Variants in PRKACB observed in about 807,000 individuals in gnomAD.
The protein encoded by PRKACB is protein kinase cAMP-activated catalytic subunit beta, also known as cAMP-dependent protein kinase catalytic subunit beta.
In PRKACB, 16 loss-of-function variants were observed where a neutral mutation model predicts 51.4. The ratio of observed to expected loss-of-function variants is 0.31; its 90% CI spans 0.21 to 0.47. The LOEUF (loss-of-function observed/expected upper bound fraction) is 0.47. PRKACB is among the 20% of genes least tolerant of loss of function. The pLI is 1.00. For synonymous variants in PRKACB, 147 were observed against 154.4 expected, an observed-to-expected ratio of 0.95 and a Z score of 0.35; for missense variants, 309 against 464.5, an observed-to-expected ratio of 0.67 and a Z score of 3.08.
At chr1:84,150,405 A>G (rs951963394) in intron 1 of PRKACB, among the ~76,000 whole-genome samples, 1 of 152,190 alleles carries the variant, frequency 6.6e-6, no homozygotes, top group African/African-American at 2.4e-5. Context: ...TTCTGTTACA[A>G]CTACCAGGGT....
chr1:84,188,030 G>A (rs942696539), intron 5 of PRKACB, among the ~76,000 whole-genome samples: 1 of 151,908 alleles, frequency 6.6e-6, no homozygotes, highest in African/African-American at 2.4e-5. Flanking sequence ...ATTTTTACTG[G>A]ACCTGTGCAA....
chr1:84,146,076 A>G (rs959787034), intron 1 of PRKACB, among the ~76,000 whole-genome samples: 2 of 151,868 alleles, frequency 1.3e-5, no homozygotes, highest in Admixed American at 6.6e-5. Context: ...TTTCTAAAAC[A>G]TATTTTAAAA....
chr1:84,173,994 A>G (rs1196264880), intron 1 of PRKACB, among the ~76,000 whole-genome samples: 1 of 151,724 alleles, frequency 6.6e-6, no homozygotes, highest in Non-Finnish European at 1.5e-5. Flanking sequence ...ATTTTATCCT[A>G]TTCCCCTCTC....
At chr1:84,186,542 G>C (rs1318356441) in intron 5 of PRKACB, among the ~76,000 whole-genome samples, 1 of 151,980 alleles carries the variant, frequency 6.6e-6, no homozygotes, top group East Asian at 1.9e-4. Flanking sequence ...CAGGTGCTGT[G>C]TGCCCTGAGT....
At chr1:84,078,327 T>C (rs1647245688) in exon 1 of PRKACB, 13 of 1,610,340 alleles carry the variant, frequency 8.1e-6, no homozygotes, top group Non-Finnish European at 1.0e-5. Context: ...GCCCCAGACA[T>C]GGGGAACGCG....
chr1:84,164,382 A>G (rs945812679), intron 1 of PRKACB: 1 of 1,569,716 alleles, frequency 6.4e-7, no homozygotes, highest in African/African-American at 1.3e-5. Context: ...AGGTGCAATC[A>G]TTCTGCTGTT....
At chr1:84,131,703 A>T (rs1257388437) in intron 1 of PRKACB, among the ~76,000 whole-genome samples, 2 of 152,196 alleles carry the variant, frequency 1.3e-5, no homozygotes, top group African/African-American at 4.8e-5. Context: ...CATGGCCGAG[A>T]TCTGCTTACT....
Position 84,144,333 on chromosome 1 carries a change from T to A in PRKACB, c.-29T>A, listed in dbSNP as rs1222626931. On this transcript the variant is annotated 5_prime_UTR_variant, in exon 1 of 10. Transcript: ENST00000370685. The stretch of plus-strand genomic sequence containing the variant: ...AGCTCCTTCTGGAAACATTTGCAGT[T>A]ACATTAAGTAAAGTGTAAATGCACA... 6.2e-7 allele frequency: 1 copy of A among 1,602,278 alleles called. No homozygotes were observed. The highest frequency in any genetic ancestry group is 8.5e-7 in the Non-Finnish European group (1 of 1,176,586).
intron 9 of PRKACB, among the ~76,000 whole-genome samples, chr1:84,231,956 C>A (rs1456189754): frequency 5.3e-4 from 79 of 149,804 alleles, no homozygotes; most frequent in Non-Finnish European, 1.0e-3. Context: ...TTCTTGCCTT[C>A]TGCTAGCTTT....
At chr1:84,095,547 T>A (rs867611833) in intron 1 of PRKACB, among the ~76,000 whole-genome samples, 2 of 151,928 alleles carry the variant, frequency 1.3e-5, no homozygotes, top group Non-Finnish European at 2.9e-5. Context: ...TATCTTTTTT[T>A]TTCTTTGGTT....
chr1:84,167,162 C>T (rs7524898), intron 1 of PRKACB, among the ~76,000 whole-genome samples: 3,538 of 151,698 alleles, frequency 0.023, 75 homozygotes, highest in Non-Finnish European at 0.037. Flanking sequence ...ATTATAATAA[C>T]TGCATTACTG....
At chr1:84,110,643 T>A (rs1360377319) in intron 1 of PRKACB, among the ~76,000 whole-genome samples, 2 of 152,004 alleles carry the variant, frequency 1.3e-5, no homozygotes, top group Admixed American at 1.3e-4. Context: ...TCCCTTACTC[T>A]ATAGTAGAGT....
At chr1:84,228,252 T>G (rs1170353578) in intron 9 of PRKACB, among the ~76,000 whole-genome samples, 1 of 152,246 alleles carries the variant, frequency 6.6e-6, no homozygotes, top group Non-Finnish European at 1.5e-5. Flanking sequence ...TATATATATG[T>G]TGATTATGTG....
chr1:84,204,863 A>G, intron 8 of PRKACB: 1 of 982,942 alleles, frequency 1.0e-6, no homozygotes, highest in Non-Finnish European at 1.2e-6. Context: ...ATTTTTATGC[A>G]TTGGCCTCGA....
At chr1:84,146,688 C>A (rs1022859081) in intron 1 of PRKACB, among the ~76,000 whole-genome samples, 2 of 151,850 alleles carry the variant, frequency 1.3e-5, no homozygotes, top group African/African-American at 4.8e-5. Flanking sequence ...AGCATAGAAA[C>A]TACATCAATT....
intron 9 of PRKACB, among the ~76,000 whole-genome samples, chr1:84,219,228 T>G (rs1224550666): frequency 1.5e-5 from 2 of 134,320 alleles, no homozygotes; most frequent in Non-Finnish European, 1.5e-5. Flanking sequence ...GTTTATTAGG[T>G]TTTTTTTTTT....
chr1:84,190,035 T>C (rs1249583612), intron 5 of PRKACB, among the ~76,000 whole-genome samples: 4 of 151,970 alleles, frequency 2.6e-5, no homozygotes, highest in Non-Finnish European at 5.9e-5. Context: ...ATAATTTTTC[T>C]TTTCTTCTTC....
chr1:84,086,663 ACTCT>A (rs1340757492), intron 1 of PRKACB, among the ~76,000 whole-genome samples: 1 of 151,902 alleles, frequency 6.6e-6, no homozygotes, highest in Non-Finnish European at 1.5e-5. Flanking sequence ...ATAATTTATA[ACTCT>A]CTCGGTTTTT....
At chr1:84,181,625 T>G (rs1321732990) in intron 2 of PRKACB, 7 of 1,316,950 alleles carry the variant, frequency 5.3e-6, no homozygotes, top group Non-Finnish European at 7.0e-6. Flanking sequence ...ACTGTGTTTT[T>G]ATAATATAAA....
Sources: allele counts gnomAD v4.1 joint callset (sites outside exome capture counted in the v4.1 genomes callset), GRCh38; gene constraint gnomAD v4.1.1; transcripts MANE v1.5; gene names NCBI Gene and HGNC (gene_info 2026-07-23, HGNC 2026-07-21).